The following TNIK variants were observed in gnomAD, a reference collection of about 807,000 sequenced individuals.
The protein encoded by TNIK is TRAF2 and NCK-interacting protein kinase.
In TNIK, 49 loss-of-function variants were observed where a neutral mutation model predicts 191.3. The observed-to-expected ratio is 0.26, with a 90% confidence interval of 0.20 to 0.32. The LOEUF (loss-of-function observed/expected upper bound fraction) is 0.32. Ranked by LOEUF, TNIK falls within the 10% of genes least tolerant of loss-of-function variation. The pLI, the probability that TNIK is intolerant of heterozygous loss-of-function variation, is 1.00. For missense variants in TNIK, 1,155 were observed against 1,702.3 expected, an observed-to-expected ratio of 0.68 and a Z score of 5.66; for synonymous variants, 594 against 600.9, an observed-to-expected ratio of 0.99 and a Z score of 0.17.
At chr3:171,156,782 C>T (rs752764021) in intron 12 of TNIK, among the ~76,000 whole-genome samples, 2 of 152,210 alleles carry the variant, frequency 1.3e-5, no homozygotes, top group Non-Finnish European at 2.9e-5. Context: ...GGAGGACAGG[C>T]CCTGGGTACT....
chr3:171,258,229 C>A (rs901969753), intron 2 of TNIK, among the ~76,000 whole-genome samples: 1 of 152,108 alleles, frequency 6.6e-6, no homozygotes, highest in Non-Finnish European at 1.5e-5. Context: ...TTTTTAAAAA[C>A]CTTTATGATT....
rs754099175 is a variant in TNIK at position 171,126,099 on chromosome 3, T to C, written c.1826A>G (p.Gln609Arg). The C allele has an allele frequency of 6.3e-7, 1 of 1,594,976 alleles. No homozygotes were observed. The highest frequency in any genetic ancestry group is 1.7e-5 in the Admixed American group (1 of 57,292). Residue 609 changes from glutamine to arginine, a missense_variant, in exon 17 of 33, where the codon CAG (glutamine) becomes CGG (arginine). Gln to Arg is a conservative substitution (Grantham distance 43). Transcript: ENST00000436636. ...CTTTGTGGGCTGCTCGTGCACTGAC[T>C]GGGAGGCGGTCAAGGCAGGTCCCTG... ...KSQGPALTAS[Q>R]SVHEQPTKGL... is the part of the protein sequence containing the mutation.
At chr3:171,395,851 A>G (rs903941974) in intron 1 of TNIK, among the ~76,000 whole-genome samples, 7 of 152,250 alleles carry the variant, frequency 4.6e-5, no homozygotes, top group African/African-American at 1.4e-4. Flanking sequence ...TCTTTCCCTG[A>G]TGTACCCTCC....
rs544987490 is a variant in TNIK at position 171,224,597 on chromosome 3, G to A, written c.180+3568C>T. ...ACACTCTGAGGAGTTTACAGAAAAG[G>A]CAGATTTTGAGGCTACCCCAGAAAT... On this transcript the variant is annotated intron_variant, in intron 3 of 32. Transcript: ENST00000436636. 7.9e-5 allele frequency among the ~76,000 whole-genome samples: 12 copies of A among 152,178 alleles called. No individual in the cohort carries two copies. The South Asian group carries it at 8.3e-4, about 11-fold the overall frequency.
intron 1 of TNIK, among the ~76,000 whole-genome samples, chr3:171,399,516 T>G (rs1459416457): frequency 6.6e-6 from 1 of 152,134 alleles, no homozygotes; most frequent in Non-Finnish European, 1.5e-5. Flanking sequence ...TTTATAAGAG[T>G]ACAAATAGGA....
intron 2 of TNIK, among the ~76,000 whole-genome samples, chr3:171,296,056 A>G (rs753044502): frequency 1.6e-4 from 25 of 152,316 alleles, no homozygotes; most frequent in African/African-American, 5.1e-4. Context: ...TTTTTAAACA[A>G]TGTAGAACAG....
chr3:171,096,018 G>A (rs1216497861), intron 22 of TNIK, among the ~76,000 whole-genome samples: 1 of 149,990 alleles, frequency 6.7e-6, no homozygotes, highest in East Asian at 1.9e-4. Flanking sequence ...TTTTTTTCTT[G>A]CTCTTCTTTC....
At chr3:171,090,396 A>AT (rs1379905857) in intron 23 of TNIK, among the ~76,000 whole-genome samples, 4 of 151,168 alleles carry the variant, frequency 2.6e-5, no homozygotes, top group African/African-American at 9.7e-5. Context: ...GACTTAAAAA[A>AT]TGTTCTTTTT....
intron 2 of TNIK, among the ~76,000 whole-genome samples, chr3:171,249,436 C>G (rs972708599): frequency 3.9e-5 from 6 of 152,170 alleles, no homozygotes; most frequent in African/African-American, 1.4e-4. Flanking sequence ...CATTACTAGA[C>G]AAGACAGAGT....
At chr3:171,264,020 GTA>G (rs1449808980) in intron 2 of TNIK, among the ~76,000 whole-genome samples, 1 of 148,118 alleles carries the variant, frequency 6.8e-6, no homozygotes, top group Non-Finnish European at 1.5e-5. Flanking sequence ...TTTTATATAT[GTA>G]TGTGTGTGTG....
At chr3:171,387,013 G>C (rs1260728365) in intron 1 of TNIK, among the ~76,000 whole-genome samples, 1 of 152,186 alleles carries the variant, frequency 6.6e-6, no homozygotes, top group Non-Finnish European at 1.5e-5. Flanking sequence ...GCAAATAATA[G>C]AGCAATTCTA....
At chr3:171,135,997 G>A (rs1729934112) in intron 15 of TNIK, among the ~76,000 whole-genome samples, 1 of 152,236 alleles carries the variant, frequency 6.6e-6, no homozygotes. Context: ...AAACAGTGAA[G>A]TCAAGGTAGA....
At chr3:171,087,296 A>G in intron 24 of TNIK, 46 bp downstream of exon 24, 6 of 1,609,440 alleles carry the variant, frequency 3.7e-6, no homozygotes, top group Non-Finnish European at 5.1e-6. Flanking sequence ...TTAGAACCCC[A>G]GGAAGGACAG....
chr3:171,263,693 A>C (rs1372051116), intron 2 of TNIK, among the ~76,000 whole-genome samples: 1 of 152,004 alleles, frequency 6.6e-6, no homozygotes, highest in African/African-American at 2.4e-5. Flanking sequence ...GAAAAGTAAA[A>C]ATATATTACA....
intron 2 of TNIK, among the ~76,000 whole-genome samples, chr3:171,291,199 C>T (rs982712039): frequency 1.3e-5 from 2 of 152,132 alleles, no homozygotes; most frequent in African/African-American, 4.8e-5. Flanking sequence ...CTGTCATATG[C>T]ATTACAGCTA....
chr3:171,392,976 A>T (rs987605394), intron 1 of TNIK, among the ~76,000 whole-genome samples: 84 of 146,806 alleles, frequency 5.7e-4, no homozygotes, highest in African/African-American at 2.1e-3. Flanking sequence ...ATTTTAAAAT[A>T]AAAAAAAAAT....
rs10212398 is a variant in TNIK, at chr3:171,336,759, C to T, written c.123+32861G>A. Among the ~76,000 whole-genome samples, 217 of 152,258 alleles carry T rather than the reference C, an allele frequency of 1.4e-3. 1 individual carries two copies. The Middle Eastern group carries it at 0.034, about 24-fold the overall frequency. ...CAACAGTGATAGATCCCTGAAGGGG[C>T]CAGTTTTTCCAGTTCCAATTGTGAT... On this transcript the variant is annotated intron_variant, in intron 2 of 32. Transcript: ENST00000436636.
intron 1 of TNIK, among the ~76,000 whole-genome samples, chr3:171,432,482 T>C (rs1414633534): frequency 6.6e-6 from 1 of 152,196 alleles, no homozygotes; most frequent in Non-Finnish European, 1.5e-5. Flanking sequence ...AAACCCTATA[T>C]CTATGCCTAA....
chr3:171,377,886 T>C (rs1559995221), intron 1 of TNIK, among the ~76,000 whole-genome samples: 2 of 152,214 alleles, frequency 1.3e-5, no homozygotes, highest in Non-Finnish European at 1.5e-5. Context: ...TGGTTCATAG[T>C]AGAGCCAGGA....
Sources: gnomAD v4.1 joint callset for allele counts (sites outside exome capture counted in the v4.1 genomes callset) on GRCh38, gnomAD v4.1.1 for gene constraint, MANE v1.5 for transcripts, NCBI Gene and HGNC (gene_info 2026-07-23, HGNC 2026-07-21) for gene names.